The following GNAS variants were observed in gnomAD, a reference collection of about 807,000 sequenced individuals.
GNAS encodes GNAS complex locus.
A neutral mutation model predicts 54.5 loss-of-function variants in GNAS; 8 were observed. That is an observed-to-expected ratio of 0.15 (90% confidence interval 0.09 to 0.26). The LOEUF (loss-of-function observed/expected upper bound fraction) is 0.26. Ranked by LOEUF, GNAS falls within the 10% of genes least tolerant of loss-of-function variation. The pLI is 1.00. For missense variants in GNAS, 170 were observed against 529.8 expected, an observed-to-expected ratio of 0.32 and a Z score of 6.67; for synonymous variants, 204 against 191.4, an observed-to-expected ratio of 1.07 and a Z score of -0.54.
intron 1 of GNAS, chr20:58,854,728 C>T: frequency 6.5e-7 from 1 of 1,536,192 alleles, no homozygotes. Flanking sequence ...GCCCATGTCG[C>T]CCCAGCTGCG....
At chr20:58,872,199 G>A (rs920277006) in intron 1 of GNAS, among the ~76,000 whole-genome samples, 6 of 152,130 alleles carry the variant, frequency 3.9e-5, no homozygotes, top group South Asian at 2.1e-4. Context: ...ATTCTAAAAC[G>A]ATGGTCCAAT....
chr20:58,855,407 T>TG lies in GNAS; in HGVS notation c.43+14525dup, dbSNP rs201506831. On this transcript the variant is annotated intron_variant, in intron 1 of 12. Coordinates refer to the GNAS transcript ENST00000306090. ...GGGAGGGGGTGGCAGGGCTGCCTGG[T>TG]GGGGCTAGGGGCTCCGCAGTGGGAG... 10,678 of 1,315,280 alleles carry TG rather than the reference T, an allele frequency of 8.1e-3. 97 individuals carry two copies. Among genetic ancestry groups the TG allele is most frequent in the Middle Eastern group, 0.043 (202 of 4,746 alleles). The allele number at this position is 1,315,280 out of a possible 1,614,324, so 81.5% of individuals were successfully genotyped here.
At position 58,906,819 on chromosome 20, in the gene GNAS, C is replaced by T. The variant is rs145978072; in HGVS notation, c.530+1339C>T. Among the ~76,000 whole-genome samples, 1,060 of 152,262 alleles carry T rather than the reference C, an allele frequency of 7.0e-3. 15 individuals carry two copies. Among genetic ancestry groups the T allele is most frequent in the African/African-American group, 0.024 (1,006 of 41,544 alleles). ...TGCTGGGATTACAGGCATGAGCCAC[C>T]GTGCCCAGCCAAAAATGTAAAGATA... On this transcript the variant is annotated intron_variant, in intron 6 of 12. Coordinates refer to ENST00000371085, the MANE Select transcript of GNAS (RefSeq NM_000516.7).
intron 1 of GNAS, chr20:58,854,039 C>T (rs762737117): frequency 3.7e-6 from 6 of 1,610,918 alleles, no homozygotes; most frequent in Non-Finnish European, 5.1e-6. Context: ...TCGCGGCAGT[C>T]GCGGCCTCGA....
rs751335595 is a variant in GNAS, at chr20:58,853,725, T to G, written c.43+12839T>G. On this transcript the variant is annotated intron_variant, in intron 1 of 12. Coordinates refer to the GNAS transcript ENST00000306090. The surrounding 1 kb of genome is among the most constrained non-coding windows in gnomAD (Gnocchi z 4.4). ...TGGTGCCAGACCAGGCCTGGGAGGA[T>G]ACAGCCCTCCACCAGAAGAAGCTAT... 6.2e-7 allele frequency: 1 copy of G among 1,613,698 alleles called. No individual in the cohort carries two copies. The highest frequency in any genetic ancestry group is 1.7e-5 in the Admixed American group (1 of 60,002).
intron 1 of GNAS, among the ~76,000 whole-genome samples, chr20:58,880,703 C>A (rs1415862254): frequency 1.3e-5 from 2 of 152,080 alleles, no homozygotes; most frequent in South Asian, 4.1e-4. Context: ...TTTTCCCTTG[C>A]ATTTGCATAT....
At chr20:58,895,447 C>G in intron 1 of GNAS, 165 bp from the exon 2 acceptor site, 1 of 668,414 alleles carries the variant, frequency 1.5e-6, no homozygotes, top group Non-Finnish European at 2.7e-6. Context: ...ACATTGATTT[C>G]CTTTTCTCTG....
upstream of GNAS, chr20:58,840,082 G>T (rs1224099032): frequency 1.2e-6 from 2 of 1,608,522 alleles, no homozygotes; most frequent in Non-Finnish European, 1.7e-6. This position sits in a 1 kb window ranked among gnomAD's most constrained non-coding sequence, Gnocchi z 6.0. Flanking sequence ...AGGGCAGGCC[G>T]GCTTCTCGGT....
chr20:58,877,402 G>T (rs2087896532), intron 1 of GNAS, among the ~76,000 whole-genome samples: 1 of 152,174 alleles, frequency 6.6e-6, no homozygotes, highest in Admixed American at 6.5e-5. Flanking sequence ...CTACATGCTA[G>T]CTTCCCCCTT....
chr20:58,889,711 A>G (rs2088940615), upstream of GNAS, among the ~76,000 whole-genome samples: 1 of 151,092 alleles, frequency 6.6e-6, no homozygotes, highest in South Asian at 2.1e-4. Flanking sequence ...CAGCCAGCCC[A>G]GCAGCCCGAA....
chr20:58,888,981 C>T (rs2088817452), upstream of GNAS: 2 of 811,334 alleles, frequency 2.5e-6, no homozygotes, highest in South Asian at 5.5e-5. Context: ...CCCCCGCGCC[C>T]CCGGCCCACG....
intron 1 of GNAS, among the ~76,000 whole-genome samples, chr20:58,894,688 T>C (rs1004800943): frequency 6.6e-6 from 1 of 152,200 alleles, no homozygotes; most frequent in Non-Finnish European, 1.5e-5. Flanking sequence ...AAATGAAAGA[T>C]GATTTAAAAT....
intron 1 of GNAS, among the ~76,000 whole-genome samples, chr20:58,868,951 C>T (rs190805864): frequency 1.7e-3 from 254 of 152,326 alleles, no homozygotes; most frequent in African/African-American, 5.9e-3. Flanking sequence ...CTTGCGCCGG[C>T]GCCTAAGGCA....
Position 58,891,645 on chromosome 20 carries a change from C to T in GNAS, c.-82C>T. On this transcript the variant is annotated 5_prime_UTR_variant, in exon 1 of 13. Coordinates refer to ENST00000371085, the MANE Select transcript of GNAS (RefSeq NM_000516.7). ...GCCCGGCCCGCCCGCCCGGCGCTGC[C>T]CCGGCCCTCCCGGCCCGCGTGAGGC... The T allele has an allele frequency of 1.0e-6, 1 of 970,664 alleles. No homozygotes were observed. Among genetic ancestry groups the T allele is most frequent in the Non-Finnish European group, 1.2e-6 (1 of 822,688 alleles). The allele number at this position is 970,664 out of a possible 1,614,324, so 60.1% of individuals were successfully genotyped here.
upstream of GNAS, chr20:58,839,997 C>T: frequency 8.0e-7 from 1 of 1,250,854 alleles, no homozygotes; most frequent in Non-Finnish European, 1.1e-6. Context: ...TCCGGGCCAG[C>T]TTCTCACCTC....
chr20:58,840,588 A>T, upstream of GNAS: 1 of 1,611,246 alleles, frequency 6.2e-7, no homozygotes, highest in Non-Finnish European at 8.5e-7. The surrounding 1 kb of genome is among the most constrained non-coding windows in gnomAD (Gnocchi z 6.0). Context: ...TCCCTCACCC[A>T]GCGTCTGCAC....
chr20:58,899,690 G>C (rs1253124094), intron 3 of GNAS, among the ~76,000 whole-genome samples: 1 of 150,836 alleles, frequency 6.6e-6, no homozygotes, highest in Non-Finnish European at 1.5e-5. Flanking sequence ...TGCATACACA[G>C]ACACGCACAC....
At chr20:58,889,863 CG>C (rs910429682), upstream of GNAS, among the ~76,000 whole-genome samples, 8 of 151,470 alleles carry the variant, frequency 5.3e-5, no homozygotes, top group African/African-American at 1.9e-4. Context: ...CCGAGCTCCC[CG>C]AGGTGGCCGG....
chr20:58,898,669 C>T, intron 2 of GNAS: 1 of 569,334 alleles, frequency 1.8e-6, no homozygotes, highest in Non-Finnish European at 3.1e-6. Context: ...AACAATTATC[C>T]ATCCCTCCTG....
Sources: gnomAD v4.1 joint callset for allele counts (sites outside exome capture counted in the v4.1 genomes callset) on GRCh38, gnomAD v4.1.1 for gene constraint, Gnocchi (gnomAD v3.1) non-coding constraint, MANE v1.5 for transcripts, NCBI Gene and HGNC (gene_info 2026-07-23, HGNC 2026-07-21) for gene names.